CNTNAP2: variants seen among roughly 807,000 people sequenced by gnomAD.
CNTNAP2 encodes contactin-associated protein-like 2.
A neutral mutation model predicts 155.2 loss-of-function variants in CNTNAP2; 98 were observed. The ratio of observed to expected loss-of-function variants is 0.63; its 90% CI spans 0.54 to 0.75. The LOEUF (loss-of-function observed/expected upper bound fraction) is 0.75. Ranked by LOEUF, CNTNAP2 falls within the 30% of genes least tolerant of loss-of-function variation. The pLI is 0.00. For missense variants in CNTNAP2, 1,727 were observed against 1,688.1 expected (o/e 1.02, Z -0.40); for synonymous variants, 651 against 631.2 (o/e 1.03, Z -0.47).
At chr7:148,217,209 GAAC>G in intron 18 of CNTNAP2, 76 bp from the exon 19 acceptor site, 1 of 1,429,624 alleles carries the variant, frequency 7.0e-7, no homozygotes, top group Non-Finnish European at 9.9e-7. Context: ...TGCACTCCAT[GAAC>G]TGCTGGAGAG....
At chr7:146,890,713 A>G (rs1186913572) in intron 3 of CNTNAP2, among the ~76,000 whole-genome samples, 2 of 152,214 alleles carry the variant, frequency 1.3e-5, no homozygotes, top group Non-Finnish European at 2.9e-5. Flanking sequence ...ATACAAGTAA[A>G]TGCAAATTTT....
chr7:146,540,947 G>C (rs566544928), intron 1 of CNTNAP2, among the ~76,000 whole-genome samples: 4 of 151,902 alleles, frequency 2.6e-5, no homozygotes, highest in African/African-American at 9.7e-5. Flanking sequence ...TCCCCAAATT[G>C]CCATCAAGCA....
chr7:147,337,601 T>C (rs1284902924), intron 9 of CNTNAP2, among the ~76,000 whole-genome samples: 1 of 152,132 alleles, frequency 6.6e-6, no homozygotes, highest in Admixed American at 6.5e-5. Flanking sequence ...AAGTCAGCTG[T>C]AGTCATGAAA....
Position 147,878,966 on chromosome 7 carries a change from CTG to C in CNTNAP2, c.2099-24597_2099-24596del, listed in dbSNP as rs1303264046. ...GGGTTTGCTCTTTTTGGTACTGACT[CTG>C]TTACGGTTTTCACAATGACACACAC... On this transcript the variant is annotated intron_variant, in intron 13 of 23. Transcript: ENST00000361727. 2.6e-5 allele frequency among the ~76,000 whole-genome samples: 4 copies of C among 152,180 alleles called. No individual in the cohort carries two copies. The East Asian group carries it at 7.7e-4, about 29-fold the overall frequency.
At position 146,507,704 on chromosome 7, in the gene CNTNAP2, C is replaced by T. The variant is rs117174768; in HGVS notation, c.98-266567C>T. Among the ~76,000 whole-genome samples, 13 of 152,286 alleles carry T rather than the reference C, an allele frequency of 8.5e-5. No individual in the cohort carries two copies. The East Asian group carries it at 2.5e-3, about 29-fold the overall frequency. On this transcript the variant is annotated intron_variant, in intron 1 of 23. Transcript: ENST00000361727. ...TTTGGACCTTGTTTTCATTCACAGC[C>T]AAACTGCATGCTGCCAAATGTTGCT...
At chr7:146,140,207 TA>T (rs1399373593) in intron 1 of CNTNAP2, among the ~76,000 whole-genome samples, 17 of 152,118 alleles carry the variant, frequency 1.1e-4, no homozygotes, top group Non-Finnish European at 2.5e-4. Context: ...AGACGACTTA[TA>T]AAAGAGAAAA....
intron 11 of CNTNAP2, among the ~76,000 whole-genome samples, chr7:147,535,249 G>A (rs909545689): frequency 3.3e-5 from 5 of 152,024 alleles, no homozygotes; most frequent in African/African-American, 9.7e-5. Flanking sequence ...AAAATTATCT[G>A]GGCCTGATGG....
At chr7:147,093,538 G>A (rs941837891) in intron 4 of CNTNAP2, among the ~76,000 whole-genome samples, 1 of 152,056 alleles carries the variant, frequency 6.6e-6, no homozygotes, top group Non-Finnish European at 1.5e-5. Context: ...TTTCTCCTAG[G>A]GGAAGTATAG....
chr7:147,042,206 C>T (rs758324994), intron 3 of CNTNAP2, among the ~76,000 whole-genome samples: 15 of 152,130 alleles, frequency 9.9e-5, no homozygotes, highest in Admixed American at 5.2e-4. Context: ...AGTGGTAGTA[C>T]GCAGCTCATT....
intron 2 of CNTNAP2, among the ~76,000 whole-genome samples, chr7:146,787,791 G>A (rs1380176961): frequency 6.6e-6 from 1 of 152,112 alleles, no homozygotes; most frequent in African/African-American, 2.4e-5. Flanking sequence ...GTGCTGATTG[G>A]TGCATTTACA....
intron 1 of CNTNAP2, among the ~76,000 whole-genome samples, chr7:146,559,517 C>T (rs922247312): frequency 3.3e-5 from 5 of 151,734 alleles, no homozygotes; most frequent in Admixed American, 6.6e-5. Flanking sequence ...TGCAGGGAGC[C>T]GAGATCACGC....
chr7:146,797,060 C>T (rs111707958), intron 2 of CNTNAP2, among the ~76,000 whole-genome samples: 3,330 of 152,052 alleles, frequency 0.022, 135 homozygotes, highest in African/African-American at 0.077. Flanking sequence ...GGTGTGAACC[C>T]GGGAGGTGGA....
chr7:147,255,450 G>A (rs541503552), intron 8 of CNTNAP2, among the ~76,000 whole-genome samples: 1 of 151,948 alleles, frequency 6.6e-6, no homozygotes, highest in African/African-American at 2.4e-5. Flanking sequence ...TCGAACTCCT[G>A]ACCTCGAGTG....
intron 8 of CNTNAP2, among the ~76,000 whole-genome samples, chr7:147,168,698 C>A (rs1391221269): frequency 6.6e-6 from 1 of 152,002 alleles, no homozygotes; most frequent in Admixed American, 6.6e-5. Context: ...TATACATGTT[C>A]TATACTTAAA....
intron 10 of CNTNAP2, among the ~76,000 whole-genome samples, chr7:147,412,096 G>T (rs992289702): frequency 1.3e-5 from 2 of 152,176 alleles, no homozygotes; most frequent in Middle Eastern, 3.2e-3. Flanking sequence ...TCATAAGAGA[G>T]TGGCAGAGGT....
intron 8 of CNTNAP2, among the ~76,000 whole-genome samples, chr7:147,225,769 AGG>A: frequency 7.1e-6 from 1 of 140,546 alleles, no homozygotes; most frequent in Non-Finnish European, 1.5e-5. Context: ...GAAGGAAGGA[AGG>A]AAGGAAGGAA....
At chr7:146,892,248 A>G (rs1004084300) in intron 3 of CNTNAP2, among the ~76,000 whole-genome samples, 2 of 152,098 alleles carry the variant, frequency 1.3e-5, no homozygotes, top group Non-Finnish European at 2.9e-5. Flanking sequence ...GGGCATTTCC[A>G]TAGGTTACTG....
intron 13 of CNTNAP2, among the ~76,000 whole-genome samples, chr7:147,817,699 C>T (rs1798293149): frequency 1.3e-5 from 2 of 151,828 alleles, no homozygotes. Flanking sequence ...GTCAGGAGAT[C>T]GAGACCATCC....
At chr7:146,437,024 A>C (rs1796253069) in intron 1 of CNTNAP2, among the ~76,000 whole-genome samples, 1 of 151,548 alleles carries the variant, frequency 6.6e-6, no homozygotes, top group Non-Finnish European at 1.5e-5. Context: ...CCTGTTAGGA[A>C]CCGGGCCGCA....
Sources: allele counts gnomAD v4.1 joint callset (sites outside exome capture counted in the v4.1 genomes callset), GRCh38; gene constraint gnomAD v4.1.1; transcripts MANE v1.5; gene names NCBI Gene and HGNC (gene_info 2026-07-23, HGNC 2026-07-21).